Variants in RBFOX1 observed in about 807,000 individuals in gnomAD.
RBFOX1 encodes the protein RNA binding fox-1 homolog 1.
Under a neutral mutation model 57.7 loss-of-function variants are expected in RBFOX1, and 8 were observed. That is an observed-to-expected ratio of 0.14 (90% CI 0.08 to 0.25). The LOEUF is 0.25. RBFOX1 is among the 10% of genes least tolerant of loss of function. The pLI is 1.00. For missense variants in RBFOX1, 611 were observed against 548.5 expected (o/e 1.11, Z -1.14); for synonymous variants, 326 against 222.4 (o/e 1.47, Z -4.15).
chr16:7,478,481 G>T (rs996609701), intron 4 of RBFOX1, among the ~76,000 whole-genome samples: 1 of 152,176 alleles, frequency 6.6e-6, no homozygotes, highest in African/African-American at 2.4e-5. Context: ...CACAGTAGGG[G>T]CTGCAGTTTG....
chr16:6,062,243 G>T (rs11641970), intron 1 of RBFOX1, among the ~76,000 whole-genome samples: 3 of 151,652 alleles, frequency 2.0e-5, no homozygotes, highest in African/African-American at 7.3e-5. Flanking sequence ...TCATTAAATA[G>T]GTTTGATTGA....
chr16:7,653,486 A>G (rs751270884), intron 11 of RBFOX1, among the ~76,000 whole-genome samples: 2 of 152,200 alleles, frequency 1.3e-5, no homozygotes, highest in African/African-American at 2.4e-5. Context: ...AGCCTGGGTG[A>G]CAGAGCCAGT....
intron 2 of RBFOX1, among the ~76,000 whole-genome samples, chr16:5,559,536 C>A (rs1294467097): frequency 6.6e-6 from 1 of 152,154 alleles, no homozygotes; most frequent in Non-Finnish European, 1.5e-5. Flanking sequence ...CGGGCCTTGG[C>A]CACATGGACC....
chr16:6,386,407 G>T (rs2092285163), intron 2 of RBFOX1, among the ~76,000 whole-genome samples: 1 of 152,106 alleles, frequency 6.6e-6, no homozygotes, highest in African/African-American at 2.4e-5. Context: ...TCCACTTCTT[G>T]CTGTGTATTG....
At chr16:5,726,900 A>G (rs2151549384) in intron 3 of RBFOX1, among the ~76,000 whole-genome samples, 1 of 152,224 alleles carries the variant, frequency 6.6e-6, no homozygotes, top group African/African-American at 2.4e-5. Flanking sequence ...TGAGGCTCAG[A>G]AAGGTTCTGT....
chr16:6,781,586 T>C (rs1273628614), intron 3 of RBFOX1, among the ~76,000 whole-genome samples: 1 of 152,164 alleles, frequency 6.6e-6, no homozygotes, highest in East Asian at 1.9e-4. Context: ...ATCTTTTTAT[T>C]ACTTCTTTTA....
intron 1 of RBFOX1, among the ~76,000 whole-genome samples, chr16:6,129,230 C>G (rs775533597): frequency 1.3e-5 from 2 of 151,880 alleles, no homozygotes; most frequent in Non-Finnish European, 2.9e-5. Context: ...TCAGAAATGA[C>G]TTTAAAACCA....
chr16:6,634,687 T>G (rs2098416837), intron 2 of RBFOX1, among the ~76,000 whole-genome samples: 1 of 145,100 alleles, frequency 6.9e-6, no homozygotes, highest in South Asian at 2.1e-4. Context: ...TGTACATATA[T>G]AATACAAAGA....
At chr16:6,103,293 C>G (rs908237509) in intron 1 of RBFOX1, among the ~76,000 whole-genome samples, 1 of 152,016 alleles carries the variant, frequency 6.6e-6, no homozygotes, top group Non-Finnish European at 1.5e-5. Flanking sequence ...TTCTGCAGTA[C>G]TCATATGACA....
At chr16:5,453,031 G>A (rs921034079) in intron 1 of RBFOX1, among the ~76,000 whole-genome samples, 3 of 152,140 alleles carry the variant, frequency 2.0e-5, no homozygotes, top group South Asian at 2.1e-4. Context: ...CTGCTATTGG[G>A]ACTCTGTTTA....
At chr16:5,383,018 C>T (rs1217336244) in intron 1 of RBFOX1, among the ~76,000 whole-genome samples, 1 of 152,196 alleles carries the variant, frequency 6.6e-6, no homozygotes, top group Non-Finnish European at 1.5e-5. Flanking sequence ...TTAATTTCCT[C>T]CCTTGCTCAC....
chr16:7,297,803 A>G (rs1032262903), intron 4 of RBFOX1, among the ~76,000 whole-genome samples: 4 of 152,204 alleles, frequency 2.6e-5, no homozygotes, highest in Non-Finnish European at 4.4e-5. Flanking sequence ...AAATCTGTAC[A>G]GAGTAAAAAT....
At position 6,861,884 on chromosome 16, in the gene RBFOX1, A is replaced by C. The variant is rs368213940; in HGVS notation, c.-15-190173A>C. ...TCTAGCTTGCACTTTCTCCCTGCCC[A>C]GAAATGTCGTTAACATTAACAAGAG... On this transcript the variant is annotated intron_variant, in intron 3 of 15. Coordinates refer to ENST00000550418, the MANE Select transcript of RBFOX1 (RefSeq NM_018723.4). Among the ~76,000 whole-genome samples, 23 of 116,622 alleles carry C rather than the reference A, an allele frequency of 2.0e-4. No individual in the cohort carries two copies. In the East Asian group the frequency reaches 4.8e-3, roughly 24 times the overall value. The allele number at this position is 116,622 out of a possible 152,430, so 76.5% of individuals were successfully genotyped here. A position where few individuals can be genotyped will look rare whatever the true frequency, so the allele number is the denominator to read the frequency against.
At chr16:5,333,174 C>CAAG in intron 1 of RBFOX1, among the ~76,000 whole-genome samples, 1 of 130,686 alleles carries the variant, frequency 7.7e-6, no homozygotes, top group Middle Eastern at 3.8e-3. Context: ...GGCGAAAGAG[C>CAAG]AAGACTCCAT....
At chr16:5,876,762 C>G (rs1472761801) in intron 4 of RBFOX1, among the ~76,000 whole-genome samples, 1 of 152,202 alleles carries the variant, frequency 6.6e-6, no homozygotes, top group Non-Finnish European at 1.5e-5. Context: ...GCTCATACTT[C>G]ACTCCAGCTC....
intron 4 of RBFOX1, among the ~76,000 whole-genome samples, chr16:7,263,502 G>C (rs554690857): frequency 6.6e-6 from 1 of 152,314 alleles, no homozygotes; most frequent in South Asian, 2.1e-4. Flanking sequence ...TTTGGAGCCA[G>C]AGTACCTACA....
intron 3 of RBFOX1, among the ~76,000 whole-genome samples, chr16:6,765,179 C>T (rs2077160077): frequency 1.3e-5 from 2 of 152,036 alleles, no homozygotes; most frequent in Non-Finnish European, 2.9e-5. Flanking sequence ...GCTCTGAATG[C>T]AGCACGTGGT....
chr16:7,324,699 A>G (rs4238877), intron 4 of RBFOX1, among the ~76,000 whole-genome samples: 135,248 of 152,216 alleles, frequency 0.89, 60,295 homozygotes, highest in East Asian at 0.99. Context: ...ACCACTGGGG[A>G]TTTGAGTTTG....
chr16:6,918,583 G>A (rs145387363), intron 3 of RBFOX1, among the ~76,000 whole-genome samples: 1 of 152,088 alleles, frequency 6.6e-6, no homozygotes, highest in African/African-American at 2.4e-5. Flanking sequence ...AAGTAACCAG[G>A]GACATAAAAA....
Sources: allele counts gnomAD v4.1 joint callset (sites outside exome capture counted in the v4.1 genomes callset), GRCh38; gene constraint gnomAD v4.1.1; transcripts MANE v1.5; gene names NCBI Gene and HGNC (gene_info 2026-07-23, HGNC 2026-07-21).